G6PD: variants seen among roughly 807,000 people sequenced by gnomAD.
G6PD encodes the protein glucose-6-phosphate dehydrogenase.
Under a neutral mutation model 38.2 loss-of-function variants are expected in G6PD, and 2 were observed. The observed-to-expected ratio is 0.05, with a 90% CI of 0.02 to 0.16. The LOEUF is 0.16. Among genes scored for constraint, G6PD ranks in the 10% least tolerant of loss-of-function variants. The pLI is 1.00. For synonymous variants in G6PD, 188 were observed against 196.0 expected (o/e 0.96, Z 0.34); for missense variants, 310 against 471.6 (o/e 0.66, Z 3.17).
rs781917123 is a variant in G6PD, at chrX:154,534,115, G to A, written c.690C>T (p.Ile230=). Residue 230 remains isoleucine (I), a synonymous_variant, in exon 7 of 13, where the codon ATC becomes ATT. Transcript: ENST00000393562. ...CCTTGAAGGTGAGGATAACGCAGGCGATGTTGTCCCGGTTCCAGATGGGGC... is the reference window on the plus strand; with the variant it reads ...CCTTGAAGGTGAGGATAACGCAGGCAATGTTGTCCCGGTTCCAGATGGGGC... The part of the protein sequence containing the change: ...IFGPIWNRDN[I]ACVILTFKEP... 2.8e-4 allele frequency: 344 copies of A among 1,210,487 alleles called. 3 individuals are homozygous for A. The South Asian group carries it at 5.6e-3, about 20-fold the overall frequency.
At chrX:154,534,520 T>C (rs374545283) in intron 5 of G6PD, 24 bp from the exon 6 acceptor site, 520 of 1,207,723 alleles carry the variant, frequency 4.3e-4, no homozygotes, top group Non-Finnish European at 5.6e-4. Flanking sequence ...GGAGCTGCGT[T>C]ACCCCCTTGA....
chrX:154,546,775 G>A lies in G6PD; in HGVS notation c.-9+14C>T. 5.2e-6 allele frequency: 6 copies of A among 1,150,331 alleles called. No individual in the cohort carries two copies. Among genetic ancestry groups the A allele is most frequent in the Non-Finnish European group, 5.8e-6 (5 of 864,821 alleles). The allele number at this position is 1,150,331 out of a possible 1,213,427, so 94.8% of individuals were successfully genotyped here. A position where few individuals can be genotyped will look rare whatever the true frequency, so the allele number is the denominator to read the frequency against. ...ACGCTCCTCCGCCTGCGCGGCGCCC[G>A]CCCGGCCGGTTACCTGCGCTTCGTC... On this transcript the variant is annotated intron_variant, in intron 1 of 12. Coordinates refer to ENST00000393562, the MANE Select transcript of G6PD (RefSeq NM_001360016.2).
intron 8 of G6PD, 52 bp from the exon 9 acceptor site, chrX:154,533,180 G>T: frequency 8.6e-7 from 1 of 1,158,493 alleles, no homozygotes; most frequent in East Asian, 3.0e-5. Context: ...GAGTTGGGGT[G>T]CAGGGATGAC....
chrX:154,542,555 A>G (rs2070545620), intron 2 of G6PD: 1 of 1,016,745 alleles, frequency 9.8e-7, no homozygotes, highest in East Asian at 3.5e-5. Flanking sequence ...CCAGGAAGGA[A>G]GCTGGGTGTG....
Position 154,537,291 on chromosome X carries a change from G to A in G6PD, c.121-1113C>T, listed in dbSNP as rs374817268. Reference sequence around the variant, plus strand: ...TTGCACCCCAGCCTGGGCGACAAGAGTGAAACTCCGTCTCAAAAAACAAAA... The same window carrying A: ...TTGCACCCCAGCCTGGGCGACAAGAATGAAACTCCGTCTCAAAAAACAAAA... On this transcript the variant is annotated intron_variant, in intron 2 of 12. Transcript: ENST00000393562. Among the ~76,000 whole-genome samples the A allele has an allele frequency of 5.4e-5, 6 of 111,621 alleles. No homozygotes were observed. The South Asian group carries it at 1.9e-3, about 35-fold the overall frequency.
In G6PD at chrX:154,535,897, A is replaced by C. The variant is rs1190136607; in HGVS notation, c.267+40T>G. 2.7e-6 allele frequency: 3 copies of C among 1,106,677 alleles called. No homozygotes were observed. In the African/African-American group the frequency reaches 5.5e-5, roughly 20 times the overall value. 91.2% of individuals were successfully genotyped at this position (1,106,677 alleles called of 1,213,427 possible). A position where few individuals can be genotyped will look rare whatever the true frequency, so the allele number is the denominator to read the frequency against. ...CTGGCCATGCTGGGGGCTGGTAGAG[A>C]GGGCAGAACCAGGCTGGGGGAGGCC... is the stretch of plus-strand genomic sequence containing the variant. On this transcript the variant is annotated intron_variant, in intron 4 of 12. Transcript: ENST00000393562.
chrX:154,537,284 G>A (rs1306571181), intron 2 of G6PD, among the ~76,000 whole-genome samples: 2 of 107,941 alleles, frequency 1.9e-5, no homozygotes, highest in Middle Eastern at 4.9e-3. Flanking sequence ...CAGCCTGGGC[G>A]ACAAGAGTGA....
chrX:154,546,730 G>A (rs1396307143), intron 1 of G6PD, 59 bp downstream of exon 1: 9 of 948,639 alleles, frequency 9.5e-6, no homozygotes, highest in Middle Eastern at 2.6e-4. Context: ...TTACCGCCGC[G>A]CGGCGCAGCG....
chrX:154,537,777 A>G (rs1466656236), intron 2 of G6PD, among the ~76,000 whole-genome samples: 2 of 111,974 alleles, frequency 1.8e-5, no homozygotes, highest in African/African-American at 6.5e-5. Flanking sequence ...CAGAAGGAAG[A>G]AAGGGGAACA....
rs914636991 is a variant in G6PD, at chrX:154,532,176, C to T, written c.1457+12G>A. 8 of 1,207,802 alleles carry T rather than the reference C, an allele frequency of 6.6e-6. No individual in the cohort carries two copies. The highest frequency in any genetic ancestry group is 2.2e-5 in the Admixed American group (1 of 45,649). On this transcript the variant is annotated intron_variant, in intron 12 of 12. Coordinates refer to ENST00000393562, the MANE Select transcript of G6PD (RefSeq NM_001360016.2). ...CGCTGGGCTCTGTCCCCAGCCCCCA[C>T]CCTTTCCTCACCTGCCATAAATATA...
chrX:154,546,823 G>A lies in G6PD; in HGVS notation c.-43C>T, dbSNP rs782700083. On this transcript the variant is annotated 5_prime_UTR_variant, in exon 1 of 13. Transcript: ENST00000393562. Reference sequence around the variant, plus strand: ...GTCGTCGTCGCCCTCCGCGCTCGCAGCCCCGAAGTGTACGACCGTTTCCGG... The same window carrying A: ...GTCGTCGTCGCCCTCCGCGCTCGCAACCCCGAAGTGTACGACCGTTTCCGG... 2.1e-5 allele frequency: 24 copies of A among 1,158,568 alleles called. No homozygotes were observed. In the Middle Eastern group the frequency reaches 4.0e-3, roughly 193 times the overall value.
chrX:154,532,440 T>C lies in G6PD; in HGVS notation c.1310A>G (p.Tyr437Cys). ...GAAGACGTCCAGGATGAGGCGCTCA[T>C]AGGCGTCAGGGAGCTTCACGTTCTG... ...RYKNVKLPDAYERLILDVFCG... is the reference protein window; with the variant it reads ...RYKNVKLPDACERLILDVFCG... The change falls in exon 11 of 13, where the codon TAT becomes TGT. Residue 437 changes from tyrosine to cysteine, a missense_variant. Transcript: ENST00000393562. The C allele has an allele frequency of 8.3e-7, 1 of 1,211,595 alleles. No homozygotes were observed. The highest frequency in any genetic ancestry group is 1.1e-6 in the Non-Finnish European group (1 of 895,447).
At chrX:154,533,916 C>T (rs1383324732) in intron 7 of G6PD, 119 bp downstream of exon 7, 3 of 1,200,047 alleles carry the variant, frequency 2.5e-6, no homozygotes, top group Non-Finnish European at 3.4e-6. Flanking sequence ...AGCTCAGACA[C>T]TTAGGTTTTG....
intron 2 of G6PD, chrX:154,542,316 C>G (rs781937245): frequency 4.2e-6 from 5 of 1,183,311 alleles, no homozygotes; most frequent in Admixed American, 4.9e-5. Context: ...GTGAGGACCC[C>G]GCAGACTATC....
Position 154,532,169 on chromosome X carries a change from G to GC in G6PD, c.1457+18dup. On this transcript the variant is annotated intron_variant, in intron 12 of 12. Transcript: ENST00000393562. ...CCCTGCCCGCTGGGCTCTGTCCCCA[G>GC]CCCCCACCCTTTCCTCACCTGCCAT... 1 of 1,188,895 alleles carries GC rather than the reference G, an allele frequency of 8.4e-7. No homozygotes were observed. The highest frequency in any genetic ancestry group is 3.0e-5 in the East Asian group (1 of 33,246).
intron 5 of G6PD, 61 bp downstream of exon 5, chrX:154,535,107 G>A: frequency 1.9e-6 from 2 of 1,063,513 alleles, no homozygotes; most frequent in South Asian, 1.9e-5. Flanking sequence ...CTCATAGAGT[G>A]GTGGGAGCAC....
At chrX:154,533,436 G>A (rs953537892) in intron 8 of G6PD, 140 bp downstream of exon 8, 45 of 749,374 alleles carry the variant, frequency 6.0e-5, no homozygotes, top group African/African-American at 1.1e-4. Flanking sequence ...GGTCACCTCC[G>A]GGAGGCCACG....
chrX:154,542,436 C>T (rs782142125), intron 2 of G6PD: 27 of 1,185,492 alleles, frequency 2.3e-5, no homozygotes, highest in Non-Finnish European at 3.1e-5. Context: ...AAGGCCAGAG[C>T]TTTCTGGAAG....
intron 2 of G6PD, among the ~76,000 whole-genome samples, chrX:154,540,901 G>A (rs919639490): frequency 4.5e-5 from 5 of 111,064 alleles, no homozygotes; most frequent in Admixed American, 9.6e-5. Context: ...GGACTACAGC[G>A]ACACGGACCT....
Sources: allele counts gnomAD v4.1 joint callset (sites outside exome capture counted in the v4.1 genomes callset), GRCh38; gene constraint gnomAD v4.1.1; transcripts MANE v1.5; gene names NCBI Gene and HGNC (gene_info 2026-07-23, HGNC 2026-07-21).